CCDC13: variants seen among roughly 807,000 people sequenced by gnomAD.
CCDC13 encodes coiled-coil domain-containing protein 13.
Under a neutral mutation model 87.3 loss-of-function variants are expected in CCDC13, and 70 were observed. The observed-to-expected ratio is 0.80, with a 90% CI of 0.66 to 0.98. CCDC13 has a LOEUF of 0.98. Ranked by LOEUF, CCDC13 falls within the 50% of genes least tolerant of loss-of-function variation. CCDC13 has a pLI of 0.00. For missense variants in CCDC13, 842 were observed against 892.0 expected (o/e 0.94, Z 0.71); for synonymous variants, 317 against 360.3 (o/e 0.88, Z 1.36).
chr3:42,742,891 G>A lies in CCDC13; in HGVS notation c.987+5C>T, dbSNP rs368619383. On this transcript the variant is annotated splice_donor_5th_base_variant and intron_variant, in intron 8 of 15. Transcript: ENST00000310232. ...GCCCAGCTGACCTCCTCAGGCACGC[G>A]TTACCTCCAAGCCTTCCTGTTTTTC... 41 of 1,613,908 alleles carry A rather than the reference G, an allele frequency of 2.5e-5. No individual in the cohort carries two copies. The highest frequency in any genetic ancestry group is 1.5e-4 in the South Asian group (14 of 91,050).
intron 14 of CCDC13, among the ~76,000 whole-genome samples, chr3:42,710,072 A>G (rs114116045): frequency 0.024 from 3,472 of 142,420 alleles, 53 homozygotes; most frequent in Middle Eastern, 0.071. Flanking sequence ...CTCCATCTTT[A>G]TACTTTACAA....
At chr3:42,756,384 G>A (rs1014712820) in intron 3 of CCDC13, among the ~76,000 whole-genome samples, 2 of 152,112 alleles carry the variant, frequency 1.3e-5, no homozygotes, top group Non-Finnish European at 2.9e-5. Flanking sequence ...GACCTGCAAA[G>A]CCAAGGTCCT....
At chr3:42,762,464 A>G (rs339669) in intron 1 of CCDC13, among the ~76,000 whole-genome samples, 7,117 of 152,252 alleles carry the variant, frequency 0.047, 577 homozygotes, top group African/African-American at 0.16. Flanking sequence ...TGCCAGGTGC[A>G]GGGTAGGCTG....
intron 5 of CCDC13, 29 bp from the exon 6 acceptor site, chr3:42,747,402 G>T: frequency 6.9e-7 from 1 of 1,451,804 alleles, no homozygotes; most frequent in Non-Finnish European, 9.7e-7. Context: ...AGAGAAAGTA[G>T]TCATTTATTG....
intron 1 of CCDC13, among the ~76,000 whole-genome samples, chr3:42,771,417 A>G (rs1335075773): frequency 3.3e-5 from 5 of 152,178 alleles, no homozygotes; most frequent in Non-Finnish European, 7.3e-5. Flanking sequence ...GTGGATACAC[A>G]GCATTACACA....
At chr3:42,758,670 T>G (rs530261548) in intron 1 of CCDC13, among the ~76,000 whole-genome samples, 1 of 152,320 alleles carries the variant, frequency 6.6e-6, no homozygotes, top group East Asian at 1.9e-4. Context: ...TGAAATCCCC[T>G]AGGAACTCCT....
chr3:42,771,455 C>T (rs13090185), intron 1 of CCDC13, among the ~76,000 whole-genome samples: 26,683 of 152,064 alleles, frequency 0.18, 2,508 homozygotes, highest in South Asian at 0.26. Context: ...ACCTGTGCAA[C>T]CTTAAGCAAT....
intron 5 of CCDC13, among the ~76,000 whole-genome samples, chr3:42,751,347 CCA>C (rs1420986931): frequency 1.3e-5 from 2 of 152,214 alleles, no homozygotes; most frequent in Non-Finnish European, 2.9e-5. Flanking sequence ...GCTGCAATTC[CCA>C]CCTCTTGAGT....
chr3:42,719,385 C>T, intron 13 of CCDC13: 2 of 10,596 alleles, frequency 1.9e-4, no homozygotes, highest in South Asian at 0.011. Flanking sequence ...GTGCTTTCCT[C>T]TCTCTCTCTC....
intron 13 of CCDC13, among the ~76,000 whole-genome samples, chr3:42,718,501 G>C (rs1361141145): frequency 1.3e-5 from 2 of 152,118 alleles, no homozygotes; most frequent in Non-Finnish European, 2.9e-5. Flanking sequence ...ACTTGCTTTT[G>C]CTTTGTGCTG....
chr3:42,742,669 G>A (rs1178283427), intron 8 of CCDC13, among the ~76,000 whole-genome samples: 1 of 152,176 alleles, frequency 6.6e-6, no homozygotes, highest in East Asian at 1.9e-4. Context: ...GCCAGGATGG[G>A]GCCACGAAAA....
At position 42,758,205 on chromosome 3, in the gene CCDC13, T is replaced by C; in HGVS notation, c.141A>G (p.Gln47=). ...CATCTGAAACCTCCAAGGGCTCCTC[T>C]TGGTCGTCAGCTCTGCTTTTGAGGC... ...ELSLKSRADD[Q]EEPLEVSDGL... is the part of the protein sequence containing the mutation. Residue 47 remains glutamine (Q), a synonymous_variant, in exon 2 of 16, where the codon CAA becomes CAG. Transcript: ENST00000310232. 1 of 1,614,150 alleles carries C rather than the reference T, an allele frequency of 6.2e-7. No individual in the cohort carries two copies. The highest frequency in any genetic ancestry group is 1.1e-5 in the South Asian group (1 of 91,084).
intron 2 of CCDC13, among the ~76,000 whole-genome samples, chr3:42,757,483 A>T (rs899855453): frequency 6.6e-6 from 1 of 152,258 alleles, no homozygotes; most frequent in African/African-American, 2.4e-5. Flanking sequence ...CTCTAATCCC[A>T]GCACTTTGGG....
intron 13 of CCDC13, chr3:42,713,949 C>G (rs1274892927): frequency 6.6e-6 from 1 of 152,160 alleles, no homozygotes; most frequent in South Asian, 2.1e-4. Flanking sequence ...CTGGAGGTTC[C>G]GGGGGAAAAT....
At chr3:42,726,891 GGAGA>G (rs1399662960) in intron 13 of CCDC13, among the ~76,000 whole-genome samples, 5 of 151,846 alleles carry the variant, frequency 3.3e-5, no homozygotes, top group African/African-American at 7.3e-5. Flanking sequence ...AAGAAGCATC[GGAGA>G]GAAAGGACAA....
intron 13 of CCDC13, among the ~76,000 whole-genome samples, chr3:42,722,511 TA>T (rs1698587703): frequency 6.6e-6 from 1 of 152,154 alleles, no homozygotes; most frequent in Admixed American, 6.5e-5. Flanking sequence ...ACCCTGCTGA[TA>T]AAACAGGTTG....
intron 1 of CCDC13, among the ~76,000 whole-genome samples, chr3:42,771,805 G>T (rs1407164774): frequency 6.6e-6 from 1 of 152,022 alleles, no homozygotes; most frequent in Non-Finnish European, 1.5e-5. Context: ...GTAAACTATG[G>T]ACTTTAGTTA....
chr3:42,738,230 G>C (rs1356497470), intron 9 of CCDC13, among the ~76,000 whole-genome samples: 1 of 152,154 alleles, frequency 6.6e-6, no homozygotes, highest in Non-Finnish European at 1.5e-5. Flanking sequence ...TAGATGTGTG[G>C]TGTTATTTCT....
At chr3:42,753,234 C>T (rs914337091) in intron 3 of CCDC13, among the ~76,000 whole-genome samples, 1 of 152,196 alleles carries the variant, frequency 6.6e-6, no homozygotes, top group African/African-American at 2.4e-5. Context: ...GAAGAACATA[C>T]CTGGCTGGCT....
Sources: gnomAD v4.1 joint callset for allele counts (sites outside exome capture counted in the v4.1 genomes callset) on GRCh38, gnomAD v4.1.1 for gene constraint, MANE v1.5 for transcripts, NCBI Gene and HGNC (gene_info 2026-07-23, HGNC 2026-07-21) for gene names.